The following ZNF385D variants were observed in gnomAD, a reference collection of about 807,000 sequenced individuals.
ZNF385D encodes the protein zinc finger protein 385D.
Under a neutral mutation model 35.8 loss-of-function variants are expected in ZNF385D, and 15 were observed. That is an observed-to-expected ratio of 0.42 (90% CI 0.28 to 0.64). The LOEUF (loss-of-function observed/expected upper bound fraction) is 0.64, where lower values mean the gene tolerates loss of function less well. Ranked by LOEUF, ZNF385D falls within the 30% of genes least tolerant of loss-of-function variation. The probability of loss-of-function intolerance (pLI) is 0.23; values close to 1 mark genes in which losing one functional copy is unlikely to be tolerated. For synonymous variants in ZNF385D, 212 were observed against 186.8 expected (o/e 1.13, Z -1.10); for missense variants, 474 against 494.6 (o/e 0.96, Z 0.39).
At chr3:22,335,996 C>G (rs1396220870) in intron 2 of ZNF385D, among the ~76,000 whole-genome samples, 10 of 151,982 alleles carry the variant, frequency 6.6e-5, no homozygotes, top group African/African-American at 2.4e-4. Flanking sequence ...ACTCAGTATT[C>G]AGAGTCCACT....
chr3:22,256,085 G>A (rs1384162761), intron 2 of ZNF385D, among the ~76,000 whole-genome samples: 1 of 151,574 alleles, frequency 6.6e-6, no homozygotes, highest in Non-Finnish European at 1.5e-5. Context: ...CTCCCATGGT[G>A]GATGCTTCCT....
At chr3:21,560,094 G>A (rs999176034) in intron 3 of ZNF385D, among the ~76,000 whole-genome samples, 3 of 152,074 alleles carry the variant, frequency 2.0e-5, no homozygotes, top group Non-Finnish European at 4.4e-5. Flanking sequence ...CCTTGCATTG[G>A]TTTAGAACAT....
chr3:22,023,434 T>TA (rs1366412782), intron 3 of ZNF385D, among the ~76,000 whole-genome samples: 2 of 152,134 alleles, frequency 1.3e-5, no homozygotes, highest in Non-Finnish European at 2.9e-5. Flanking sequence ...CATAGACCAC[T>TA]AAAAAGGATC....
chr3:22,074,379 C>A (rs545802853), intron 3 of ZNF385D, among the ~76,000 whole-genome samples: 2 of 152,052 alleles, frequency 1.3e-5, no homozygotes, highest in East Asian at 1.9e-4. Context: ...CAGCCCTTGG[C>A]AGAGAAGCCA....
intron 2 of ZNF385D, among the ~76,000 whole-genome samples, chr3:22,221,118 C>T (rs1471176101): frequency 2.0e-5 from 3 of 151,572 alleles, no homozygotes; most frequent in Admixed American, 6.6e-5. Context: ...TGTATGTGTG[C>T]GAGTGTGTGT....
chr3:22,285,598 T>A (rs756979810), intron 2 of ZNF385D, among the ~76,000 whole-genome samples: 1 of 152,142 alleles, frequency 6.6e-6, no homozygotes, highest in Non-Finnish European at 1.5e-5. Flanking sequence ...TAGTTACATA[T>A]GTATACATGT....
At chr3:21,918,870 T>C (rs1455985864) in intron 3 of ZNF385D, among the ~76,000 whole-genome samples, 1 of 152,228 alleles carries the variant, frequency 6.6e-6, no homozygotes, top group African/African-American at 2.4e-5. Context: ...AATGTCTTTA[T>C]CTTCTGACTC....
At chr3:21,485,876 A>C (rs1704994289) in intron 4 of ZNF385D, among the ~76,000 whole-genome samples, 1 of 150,682 alleles carries the variant, frequency 6.6e-6, no homozygotes, top group Non-Finnish European at 1.5e-5. Flanking sequence ...TTCTTTTCCC[A>C]AAAAAAAACC....
At chr3:21,602,967 A>G (rs2064359600) in intron 2 of ZNF385D, among the ~76,000 whole-genome samples, 1 of 152,222 alleles carries the variant, frequency 6.6e-6, no homozygotes, top group Non-Finnish European at 1.5e-5. Flanking sequence ...TTTACTGTTT[A>G]GACAAAACCC....
At chr3:21,879,984 G>A (rs1319158608) in intron 3 of ZNF385D, among the ~76,000 whole-genome samples, 1 of 151,876 alleles carries the variant, frequency 6.6e-6, no homozygotes, top group Non-Finnish European at 1.5e-5. Flanking sequence ...GCCACAATTT[G>A]TCTCTCCCTG....
intron 3 of ZNF385D, among the ~76,000 whole-genome samples, chr3:21,556,412 A>AAG (rs199661173): frequency 0.68 from 102,879 of 151,796 alleles, 35,663 homozygotes; most frequent in African/African-American, 0.83. Flanking sequence ...AGGTGTAAGG[A>AAG]AGGGATCCAG....
At chr3:22,019,137 T>C (rs1697075020) in intron 3 of ZNF385D, among the ~76,000 whole-genome samples, 1 of 143,248 alleles carries the variant, frequency 7.0e-6, no homozygotes, top group African/African-American at 2.6e-5. Flanking sequence ...CTGTCTCCTA[T>C]ACAGGGATCT....
intron 3 of ZNF385D, among the ~76,000 whole-genome samples, chr3:22,098,895 G>A (rs1701774899): frequency 6.6e-6 from 1 of 151,920 alleles, no homozygotes; most frequent in Non-Finnish European, 1.5e-5. Flanking sequence ...GAAAAAAAAT[G>A]GCATTATTTA....
chr3:21,693,528 C>T (rs1480608509), intron 1 of ZNF385D, among the ~76,000 whole-genome samples: 1 of 152,180 alleles, frequency 6.6e-6, no homozygotes, highest in African/African-American at 2.4e-5. Context: ...CAAAGCTTTG[C>T]CATTTTTAAG....
intron 3 of ZNF385D, among the ~76,000 whole-genome samples, chr3:21,799,067 T>C (rs777416441): frequency 3.3e-5 from 5 of 152,176 alleles, no homozygotes; most frequent in Non-Finnish European, 7.3e-5. Context: ...CGTGACCTTT[T>C]GTGTCTGACG....
chr3:22,143,173 C>T (rs1362491693), intron 3 of ZNF385D, among the ~76,000 whole-genome samples: 1 of 150,398 alleles, frequency 6.6e-6, no homozygotes, highest in Non-Finnish European at 1.5e-5. Flanking sequence ...AGCTCCGCCT[C>T]CCAAGTTCAC....
At chr3:21,732,479 G>A (rs898266162) in intron 1 of ZNF385D, among the ~76,000 whole-genome samples, 9 of 152,268 alleles carry the variant, frequency 5.9e-5, no homozygotes, top group Admixed American at 2.0e-4. Context: ...GTCTTCTAAC[G>A]TGCCTGTAGC....
chr3:22,219,861 A>G (rs2638136), intron 2 of ZNF385D, among the ~76,000 whole-genome samples: 71,079 of 151,820 alleles, frequency 0.47, 17,270 homozygotes, highest in East Asian at 0.78. Flanking sequence ...AGACTTTTAG[A>G]TCTTGGAATT....
chr3:22,328,945 C>T (rs1317145317), intron 2 of ZNF385D, among the ~76,000 whole-genome samples: 5 of 151,516 alleles, frequency 3.3e-5, no homozygotes, highest in South Asian at 4.2e-4. Flanking sequence ...GGCGTGGTAG[C>T]GGGCGCCTGT....
Sources: gnomAD v4.1 joint callset for allele counts (sites outside exome capture counted in the v4.1 genomes callset) on GRCh38, gnomAD v4.1.1 for gene constraint, MANE v1.5 for transcripts, NCBI Gene and HGNC (gene_info 2026-07-23, HGNC 2026-07-21) for gene names.